The following NCALD variants were observed in gnomAD, a reference collection of about 807,000 sequenced individuals.
The protein encoded by NCALD is neurocalcin-delta.
NCALD carries 10 observed loss-of-function variants against 18.6 expected under a neutral mutation model. The ratio of observed to expected loss-of-function variants is 0.54; its 90% CI spans 0.33 to 0.91. The LOEUF (loss-of-function observed/expected upper bound fraction) is 0.91, where lower values mean the gene tolerates loss of function less well. Ranked by LOEUF, NCALD falls within the 40% of genes least tolerant of loss-of-function variation. NCALD has a pLI of 0.03. For missense variants in NCALD, 184 were observed against 247.6 expected, an observed-to-expected ratio of 0.74 and a Z score of 1.72; for synonymous variants, 88 against 87.4, an observed-to-expected ratio of 1.01 and a Z score of -0.04.
intron 4 of NCALD, among the ~76,000 whole-genome samples, chr8:101,853,601 C>T (rs988689122): frequency 6.6e-6 from 1 of 151,508 alleles, no homozygotes; most frequent in African/African-American, 2.4e-5. Context: ...TCCCTGTGGA[C>T]AAGAAGAAAC....
intron 1 of NCALD, among the ~76,000 whole-genome samples, chr8:101,729,953 T>G (rs1244803092): frequency 6.6e-6 from 1 of 152,154 alleles, no homozygotes; most frequent in African/African-American, 2.4e-5. Context: ...CCATTTTTTG[T>G]TTTGCGGATT....
intron 4 of NCALD, among the ~76,000 whole-genome samples, chr8:101,885,444 C>G (rs912352534): frequency 2.0e-5 from 3 of 152,134 alleles, no homozygotes; most frequent in Admixed American, 6.5e-5. Context: ...GAAGTTTAAC[C>G]TCTGTTGAAG....
intron 1 of NCALD, among the ~76,000 whole-genome samples, chr8:102,115,137 G>A (rs78689922): frequency 0.014 from 2,170 of 152,332 alleles, 72 homozygotes; most frequent in African/African-American, 0.049. Context: ...CCCACAAACT[G>A]TGTAGTTGGT....
chr8:101,883,068 T>C (rs1033886436), intron 4 of NCALD, among the ~76,000 whole-genome samples: 3 of 152,178 alleles, frequency 2.0e-5, no homozygotes, highest in African/African-American at 7.2e-5. Flanking sequence ...TATAATAAGG[T>C]CTTTTTGTAA....
intron 1 of NCALD, among the ~76,000 whole-genome samples, chr8:102,045,745 T>C (rs1296758081): frequency 6.6e-6 from 1 of 152,258 alleles, no homozygotes; most frequent in East Asian, 1.9e-4. Context: ...TTTCCCTTAA[T>C]ACATGCAATG....
chr8:101,954,902 G>T (rs1438687398), intron 2 of NCALD, among the ~76,000 whole-genome samples: 1 of 152,140 alleles, frequency 6.6e-6, no homozygotes, highest in Non-Finnish European at 1.5e-5. Flanking sequence ...TCTGATAGAT[G>T]ATCTATGGCT....
At chr8:102,035,278 T>C (rs1822823080) in intron 1 of NCALD, among the ~76,000 whole-genome samples, 1 of 152,118 alleles carries the variant, frequency 6.6e-6, no homozygotes. Flanking sequence ...ATAACAAAGC[T>C]CTTCCTTATA....
At chr8:101,932,627 AAAAG>A (rs1223032235) in intron 2 of NCALD, among the ~76,000 whole-genome samples, 1 of 152,164 alleles carries the variant, frequency 6.6e-6, no homozygotes, top group South Asian at 2.1e-4. Context: ...CGAGAGAAAA[AAAAG>A]AAAGAAGCAA....
upstream of NCALD, among the ~76,000 whole-genome samples, chr8:101,792,734 G>T (rs564912369): frequency 6.6e-6 from 1 of 152,098 alleles, no homozygotes; most frequent in Non-Finnish European, 1.5e-5. Context: ...CTGGACCCAC[G>T]TTCTCTGAGC....
At chr8:101,712,329 A>G (rs747423543) in intron 2 of NCALD, among the ~76,000 whole-genome samples, 1 of 152,214 alleles carries the variant, frequency 6.6e-6, no homozygotes, top group Non-Finnish European at 1.5e-5. Context: ...GACCGTCAAC[A>G]CTATGAAGAA....
At chr8:102,051,455 C>A (rs1022776558) in intron 1 of NCALD, among the ~76,000 whole-genome samples, 3 of 152,160 alleles carry the variant, frequency 2.0e-5, no homozygotes, top group Non-Finnish European at 2.9e-5. Context: ...CTCACAGTTT[C>A]TAATCCTGTC....
chr8:101,773,958 G>A (rs538203703), intron 1 of NCALD, among the ~76,000 whole-genome samples: 39 of 152,226 alleles, frequency 2.6e-4, no homozygotes, highest in African/African-American at 4.3e-4. Flanking sequence ...TACCTTAAAC[G>A]TAGGTAATGA....
chr8:101,804,651 GTATAA>G (rs1159478015), intron 4 of NCALD, among the ~76,000 whole-genome samples: 15 of 115,950 alleles, frequency 1.3e-4, no homozygotes, highest in African/African-American at 3.6e-4. Context: ...TTATATATTA[GTATAA>G]TATAATTATC....
intron 3 of NCALD, among the ~76,000 whole-genome samples, chr8:101,894,476 T>C (rs1817061237): frequency 7.0e-6 from 1 of 142,462 alleles, no homozygotes; most frequent in Admixed American, 7.0e-5. Flanking sequence ...AGCAAACACA[T>C]TCAAAAGCTA....
chr8:101,838,854 C>T (rs770274815), intron 4 of NCALD, among the ~76,000 whole-genome samples: 4 of 152,204 alleles, frequency 2.6e-5, no homozygotes, highest in Non-Finnish European at 5.9e-5. Context: ...CCAATGTTCA[C>T]AATGATATTC....
At chr8:101,917,709 A>C (rs1379145073) in intron 2 of NCALD, among the ~76,000 whole-genome samples, 3 of 152,184 alleles carry the variant, frequency 2.0e-5, no homozygotes, top group Non-Finnish European at 4.4e-5. Context: ...TATGCATACT[A>C]ACTAGAAAAT....
intron 1 of NCALD, among the ~76,000 whole-genome samples, chr8:102,084,487 A>T (rs1824667701): frequency 6.6e-6 from 1 of 152,202 alleles, no homozygotes; most frequent in Admixed American, 6.5e-5. Flanking sequence ...GCATGGCTTG[A>T]ACTTTGACCT....
chr8:101,689,094 G>T lies in NCALD; in HGVS notation c.*215C>A. The T allele has an allele frequency of 4.3e-6, 3 of 703,588 alleles. No individual in the cohort carries two copies. The highest frequency in any genetic ancestry group is 7.8e-6 in the Non-Finnish European group (3 of 385,304). The allele number at this position is 703,588 out of a possible 1,614,324, so 43.6% of individuals were successfully genotyped here. ...TCAAACAATGAACACCACGAAGTCT[G>T]TCCATGCTCTCCACAAGCACACTGG... On this transcript the variant is annotated 3_prime_UTR_variant, in exon 4 of 4. Coordinates refer to ENST00000220931, the MANE Select transcript of NCALD (RefSeq NM_032041.3). This position sits in a 1 kb window ranked among gnomAD's most constrained non-coding sequence, Gnocchi z 4.4.
At chr8:101,936,469 C>CA (rs1818767723) in intron 2 of NCALD, among the ~76,000 whole-genome samples, 2 of 151,850 alleles carry the variant, frequency 1.3e-5, no homozygotes, top group East Asian at 3.9e-4. Context: ...TCCTAGAAGG[C>CA]AAAAAATGTT....
Sources: gnomAD v4.1 joint callset for allele counts (sites outside exome capture counted in the v4.1 genomes callset) on GRCh38, gnomAD v4.1.1 for gene constraint, Gnocchi (gnomAD v3.1) non-coding constraint, MANE v1.5 for transcripts, NCBI Gene and HGNC (gene_info 2026-07-23, HGNC 2026-07-21) for gene names.